Variants in PXDN observed in about 807,000 individuals in gnomAD.
PXDN encodes the protein peroxidasin homolog.
A neutral mutation model predicts 140.3 loss-of-function variants in PXDN; 77 were observed. The ratio of observed to expected loss-of-function variants is 0.55; its 90% CI spans 0.46 to 0.66. The LOEUF is 0.66. Ranked by LOEUF, PXDN falls within the 30% of genes least tolerant of loss-of-function variation. The pLI, the probability that PXDN is intolerant of heterozygous loss-of-function variation, is 0.00. For synonymous variants in PXDN, 911 were observed against 857.4 expected (o/e 1.06, Z -1.09); for missense variants, 1,838 against 2,039.5 (o/e 0.90, Z 1.90).
rs143750930 is a variant in PXDN, at chr2:1,676,745, G to A, written c.848+182C>T. 8.2e-3 allele frequency among the ~76,000 whole-genome samples: 1,247 copies of A among 152,328 alleles called. 8 individuals carry two copies. Among genetic ancestry groups the A allele is most frequent in the Non-Finnish European group, 0.013 (901 of 68,020 alleles). On this transcript the variant is annotated intron_variant, in intron 8 of 22. Transcript: ENST00000252804. ...GAAGGGGCCCCAGCCTGGCAGAAACGTCGTCACACCCCCTGCCATGTAAGA... is the reference window on the plus strand; with the variant it reads ...GAAGGGGCCCCAGCCTGGCAGAAACATCGTCACACCCCCTGCCATGTAAGA...
At chr2:1,671,889 A>T (rs535831633) in intron 9 of PXDN, 3 of 152,376 alleles carry the variant, frequency 2.0e-5, no homozygotes, top group African/African-American at 7.2e-5. Context: ...CATTGTGCAG[A>T]AGAATGGGTG....
At chr2:1,720,633 C>CTCTCTCTGCATCTCTT (rs1685020423) in intron 1 of PXDN, among the ~76,000 whole-genome samples, 2 of 152,136 alleles carry the variant, frequency 1.3e-5, no homozygotes, top group East Asian at 3.9e-4. Flanking sequence ...ATCTCTTTCT[C>CTCTCTCTGCATCTCTT]TCTCTCTGCA....
intron 8 of PXDN, among the ~76,000 whole-genome samples, chr2:1,675,329 G>A (rs1168317709): frequency 6.6e-6 from 1 of 152,196 alleles, no homozygotes; most frequent in South Asian, 2.1e-4. Flanking sequence ...GCCATATTTA[G>A]CTGTGAGATT....
intron 14 of PXDN, among the ~76,000 whole-genome samples, chr2:1,658,222 G>GGTTCCACTTCACGCTGTT (rs1683212786): frequency 6.6e-6 from 1 of 151,600 alleles, no homozygotes; most frequent in Non-Finnish European, 1.5e-5. Context: ...CTCCCTGTGT[G>GGTTCCACTTCACGCTGTT]GTTCCACTTC....
At chr2:1,730,310 G>C (rs992521244) in intron 1 of PXDN, among the ~76,000 whole-genome samples, 2 of 152,208 alleles carry the variant, frequency 1.3e-5, no homozygotes, top group Non-Finnish European at 2.9e-5. Context: ...TTAGCTTACA[G>C]CTTGTGGAGA....
At chr2:1,702,576 C>T (rs886420042) in intron 1 of PXDN, among the ~76,000 whole-genome samples, 3 of 152,190 alleles carry the variant, frequency 2.0e-5, no homozygotes, top group African/African-American at 4.8e-5. Context: ...CAGGAGGTCC[C>T]GACGACAAAT....
At chr2:1,637,681 G>GGAA (rs1682601386) in intron 21 of PXDN, among the ~76,000 whole-genome samples, 1 of 68,848 alleles carries the variant, frequency 1.5e-5, no homozygotes, top group Admixed American at 1.4e-4. Context: ...GGAGGCAGGA[G>GGAA]GACCTGCCAC....
intron 1 of PXDN, among the ~76,000 whole-genome samples, chr2:1,710,066 A>G (rs1386219883): frequency 6.6e-6 from 1 of 152,164 alleles, no homozygotes; most frequent in Non-Finnish European, 1.5e-5. Context: ...AGCTGCGGAG[A>G]GGAGAACATC....
In PXDN at chr2:1,658,905, G is replaced by A. The variant is rs139700253; in HGVS notation, c.1837+1976C>T. Among the ~76,000 whole-genome samples, 1,406 of 150,532 alleles carry A rather than the reference G, an allele frequency of 9.3e-3. 13 individuals are homozygous for A. The highest frequency in any genetic ancestry group is 0.011 in the Non-Finnish European group (718 of 67,824). On this transcript the variant is annotated intron_variant, in intron 14 of 22. Transcript: ENST00000252804. The stretch of plus-strand genomic sequence containing the variant: ...GCTGACCACCTCTGCTTCCCCCTCC[G>A]GCCCATGCCTTGCCCTGCGGTTCCT...
intron 2 of PXDN, chr2:1,692,628 C>T: frequency 2.1e-6 from 1 of 472,698 alleles, no homozygotes; most frequent in Non-Finnish European, 4.4e-6. Context: ...GGACTTGGCC[C>T]TGCCTGCTCC....
Position 1,633,220 on chromosome 2 carries a change from G to A in PXDN, c.*984C>T, listed in dbSNP as rs545145084. 2.2e-5 allele frequency: 3 copies of A among 138,216 alleles called. No homozygotes were observed. Among genetic ancestry groups the A allele is most frequent in the South Asian group, 2.4e-4 (1 of 4,218 alleles). 8.6% of individuals were successfully genotyped at this position (138,216 alleles called of 1,614,324 possible). On this transcript the variant is annotated 3_prime_UTR_variant, in exon 23 of 23. Coordinates refer to ENST00000252804, the MANE Select transcript of PXDN (RefSeq NM_012293.3). ...CACAACCTGAAGTTAGACAGTTCCC[G>A]ACACTTGAGCTCCTCCTCCCTTGGG...
chr2:1,722,416 T>C (rs1685073978), intron 1 of PXDN, among the ~76,000 whole-genome samples: 1 of 152,192 alleles, frequency 6.6e-6, no homozygotes, highest in Non-Finnish European at 1.5e-5. Context: ...GCAGAATCCA[T>C]TGCGTGCAAT....
At chr2:1,664,114 C>T (rs1029814887) in intron 11 of PXDN, 6 of 218,088 alleles carry the variant, frequency 2.8e-5, no homozygotes, top group Non-Finnish European at 5.5e-5. Flanking sequence ...AAGAGCCAAG[C>T]GAGGCCCCAG....
chr2:1,655,225 A>T (rs1196684785), intron 14 of PXDN, among the ~76,000 whole-genome samples: 1 of 151,508 alleles, frequency 6.6e-6, no homozygotes, highest in South Asian at 2.1e-4. Context: ...CATACCACAC[A>T]CAATCACATT....
intron 16 of PXDN, chr2:1,653,307 T>A (rs1477986375): frequency 1.3e-5 from 5 of 378,492 alleles, no homozygotes; most frequent in Non-Finnish European, 2.6e-5. Context: ...CCCTTATGGC[T>A]CATTTGTTGC....
chr2:1,680,117 A>AGATGGTGTGTGTGTGTG, intron 7 of PXDN, 76 bp downstream of exon 7: 8 of 1,385,364 alleles, frequency 5.8e-6, no homozygotes, highest in South Asian at 1.4e-5. Flanking sequence ...TTGTGTGTGT[A>AGATGGTGTGTGTGTGTG]GATGGTGTGT....
At position 1,727,666 on chromosome 2, in the gene PXDN, G is replaced by A. The variant is rs1008917681; in HGVS notation, c.200+16590C>T. 2.0e-5 allele frequency among the ~76,000 whole-genome samples: 3 copies of A among 152,192 alleles called. 1 individual carries two copies. The highest frequency in any genetic ancestry group is 4.4e-5 in the Non-Finnish European group (3 of 68,044). On this transcript the variant is annotated intron_variant, in intron 1 of 22. Coordinates refer to ENST00000252804, the MANE Select transcript of PXDN (RefSeq NM_012293.3). The stretch of plus-strand genomic sequence containing the variant: ...ACAGTCTCCACCGTGTCACACCACA[G>A]GTCAGTGGAGTCCAACCCCCTGCCC...
At chr2:1,692,409 G>C (rs1333198710) in intron 2 of PXDN, 1 of 441,612 alleles carries the variant, frequency 2.3e-6, no homozygotes, top group African/African-American at 2.0e-5. Flanking sequence ...TGTGGCCCGT[G>C]CTCCATTCGA....
intron 19 of PXDN, among the ~76,000 whole-genome samples, chr2:1,641,593 A>G (rs993676100): frequency 6.6e-6 from 1 of 152,234 alleles, no homozygotes; most frequent in African/African-American, 2.4e-5. Context: ...AAGCTTATCA[A>G]GTATTCTCTA....
Sources: gnomAD v4.1 joint callset for allele counts (sites outside exome capture counted in the v4.1 genomes callset) on GRCh38, gnomAD v4.1.1 for gene constraint, MANE v1.5 for transcripts, NCBI Gene and HGNC (gene_info 2026-07-23, HGNC 2026-07-21) for gene names.